GLYATL2: variants seen among roughly 807,000 people sequenced by gnomAD.
The protein encoded by GLYATL2 is glycine-N-acyltransferase like 2, also known as glycine N-acyltransferase-like protein 2.
Under a neutral mutation model 21.4 loss-of-function variants are expected in GLYATL2, and 25 were observed. That is an observed-to-expected ratio of 1.17 (90% CI 0.85 to 1.63). The LOEUF is 1.63. Among genes scored for constraint, GLYATL2 ranks in the 40% most tolerant of loss-of-function variants. GLYATL2 has a pLI of 0.00. For missense variants in GLYATL2, 361 were observed against 343.3 expected (o/e 1.05, Z -0.41); for synonymous variants, 114 against 118.2 (o/e 0.96, Z 0.23).
At chr11:58,877,289 G>T (rs541678862) in intron 1 of GLYATL2, among the ~76,000 whole-genome samples, 1 of 152,026 alleles carries the variant, frequency 6.6e-6, no homozygotes, top group Non-Finnish European at 1.5e-5. Flanking sequence ...TGCTGCACCC[G>T]CTATACAGCA....
upstream of GLYATL2, among the ~76,000 whole-genome samples, chr11:58,905,964 T>C (rs1399813981): frequency 6.6e-6 from 1 of 152,192 alleles, no homozygotes; most frequent in Non-Finnish European, 1.5e-5. Context: ...AGAGTGTCAA[T>C]TCCCAGGCTC....
intron 1 of GLYATL2, among the ~76,000 whole-genome samples, chr11:58,872,836 C>T (rs1371967394): frequency 6.6e-6 from 1 of 152,174 alleles, no homozygotes; most frequent in Non-Finnish European, 1.5e-5. Flanking sequence ...TCATTGGTAG[C>T]TTGATAGGGA....
intron 1 of GLYATL2, among the ~76,000 whole-genome samples, chr11:58,877,155 G>C (rs1259927016): frequency 6.6e-6 from 1 of 152,242 alleles, no homozygotes; most frequent in African/African-American, 2.4e-5. Context: ...TATTAGGGTG[G>C]GAGTAACCCG....
chr11:58,877,376 G>A (rs1389779497), intron 1 of GLYATL2, among the ~76,000 whole-genome samples: 1 of 152,226 alleles, frequency 6.6e-6, no homozygotes, highest in Non-Finnish European at 1.5e-5. Context: ...CACACTGGGA[G>A]CTGTAGACTG....
At chr11:58,856,355 A>G (rs1256658251) in intron 1 of GLYATL2, among the ~76,000 whole-genome samples, 1 of 152,188 alleles carries the variant, frequency 6.6e-6, no homozygotes, top group South Asian at 2.1e-4. Context: ...CAAAACAGCA[A>G]TAAGGCCATT....
chr11:58,895,242 A>G (rs1216321554), intron 1 of GLYATL2, among the ~76,000 whole-genome samples: 1 of 152,224 alleles, frequency 6.6e-6, no homozygotes, highest in East Asian at 1.9e-4. Flanking sequence ...GGAAAGAGGA[A>G]GGAGGATTTT....
chr11:58,872,318 G>C (rs1036976912), intron 1 of GLYATL2, among the ~76,000 whole-genome samples: 2 of 152,142 alleles, frequency 1.3e-5, no homozygotes, highest in Admixed American at 1.3e-4. Flanking sequence ...TTTGGCTTTC[G>C]TTGCCATTGC....
intron 1 of GLYATL2, among the ~76,000 whole-genome samples, chr11:58,841,684 G>A (rs1231493472): frequency 6.6e-6 from 1 of 152,206 alleles, no homozygotes; most frequent in Non-Finnish European, 1.5e-5. Context: ...ATGTGTTTCT[G>A]TCACTGTCTA....
At chr11:58,884,372 T>C (rs913774415) in intron 1 of GLYATL2, among the ~76,000 whole-genome samples, 1 of 152,234 alleles carries the variant, frequency 6.6e-6, no homozygotes, top group East Asian at 1.9e-4. Flanking sequence ...AGTCTCAGGA[T>C]ACAAAATCAA....
chr11:58,872,662 G>C (rs1052852532), intron 1 of GLYATL2, among the ~76,000 whole-genome samples: 4 of 152,250 alleles, frequency 2.6e-5, no homozygotes, highest in Non-Finnish European at 5.9e-5. Flanking sequence ...TTTGGTGCCA[G>C]CACCGTGCTG....
intron 1 of GLYATL2, among the ~76,000 whole-genome samples, chr11:58,857,539 C>T (rs1246186290): frequency 2.6e-5 from 4 of 152,218 alleles, no homozygotes; most frequent in African/African-American, 4.8e-5. Context: ...GAGCCCAGAG[C>T]GGGAACCGTT....
chr11:58,841,986 G>A (rs1214975736), intron 1 of GLYATL2, among the ~76,000 whole-genome samples: 3 of 152,170 alleles, frequency 2.0e-5, no homozygotes, highest in African/African-American at 4.8e-5. Flanking sequence ...AAGGACAGAG[G>A]AGAGGTACAA....
rs1277119122 is a variant in GLYATL2, at chr11:58,898,869, C to T, written n.60+5287G>A. 4.6e-5 allele frequency among the ~76,000 whole-genome samples: 7 copies of T among 152,170 alleles called. No individual in the cohort carries two copies. The East Asian group carries it at 1.4e-3, about 29-fold the overall frequency. On this transcript the variant is annotated intron_variant and non_coding_transcript_variant, in intron 1 of 4. Transcript: ENST00000533636. ...AATAAAATTCTTTCTCCAATATTTC[C>T]TGGATGTAAATATGCTACTGATATA...
intron 1 of GLYATL2, among the ~76,000 whole-genome samples, chr11:58,843,662 T>C (rs1275740394): frequency 2.0e-5 from 3 of 152,014 alleles, no homozygotes; most frequent in African/African-American, 7.2e-5. Context: ...TAAGAAAATA[T>C]AGAAAAAGCC....
upstream of GLYATL2, among the ~76,000 whole-genome samples, chr11:58,906,038 G>A (rs1854871357): frequency 6.6e-6 from 1 of 152,344 alleles, no homozygotes; most frequent in Admixed American, 6.5e-5. Context: ...CAAGAGAGAA[G>A]TCTTCCCAAC....
chr11:58,838,654 T>A (rs1853487212), intron 2 of GLYATL2, among the ~76,000 whole-genome samples: 1 of 152,178 alleles, frequency 6.6e-6, no homozygotes, highest in African/African-American at 2.4e-5. Context: ...TTCTCAGTTT[T>A]TTTCTTTATT....
intron 2 of GLYATL2, among the ~76,000 whole-genome samples, chr11:58,838,571 T>C (rs990002701): frequency 2.6e-5 from 4 of 152,100 alleles, no homozygotes; most frequent in Non-Finnish European, 5.9e-5. Flanking sequence ...TCCACAAAAA[T>C]CCAAGTTAAT....
chr11:58,842,316 G>A (rs551359538), intron 1 of GLYATL2, among the ~76,000 whole-genome samples: 8 of 152,204 alleles, frequency 5.3e-5, no homozygotes, highest in African/African-American at 1.9e-4. Flanking sequence ...GTATACAGCA[G>A]GTCATCAAAT....
At chr11:58,898,857 C>T (rs952428830) in intron 1 of GLYATL2, among the ~76,000 whole-genome samples, 2 of 152,082 alleles carry the variant, frequency 1.3e-5, no homozygotes, top group Admixed American at 1.3e-4. Context: ...AAAATTCTTT[C>T]TCCAATATTT....
Sources: allele counts gnomAD v4.1 joint callset (sites outside exome capture counted in the v4.1 genomes callset), GRCh38; gene constraint gnomAD v4.1.1; transcripts MANE v1.5; gene names NCBI Gene and HGNC (gene_info 2026-07-23, HGNC 2026-07-21).